Variants in TIAM1 observed in about 807,000 individuals in gnomAD.
TIAM1 encodes rho guanine nucleotide exchange factor TIAM1.
TIAM1 carries 65 observed loss-of-function variants against 163.5 expected under a neutral mutation model. The ratio of observed to expected loss-of-function variants is 0.40; its 90% CI spans 0.33 to 0.49. The LOEUF is 0.49. TIAM1 is among the 20% of genes least tolerant of loss of function. The pLI, the probability that TIAM1 is intolerant of heterozygous loss-of-function variation, is 0.77. For missense variants in TIAM1, 1,789 were observed against 2,044.7 expected, an observed-to-expected ratio of 0.87 and a Z score of 2.41; for synonymous variants, 833 against 810.1, an observed-to-expected ratio of 1.03 and a Z score of -0.48.
At position 31,266,248 on chromosome 21, in the gene TIAM1, C is replaced by G; in HGVS notation, c.725G>C (p.Gly242Ala). 2 of 1,614,188 alleles carry G rather than the reference C, an allele frequency of 1.2e-6. No homozygotes were observed. The highest frequency in any genetic ancestry group is 1.7e-6 in the Non-Finnish European group (2 of 1,180,040). The change falls in exon 4 of 28, where the codon GGA becomes GCA. Residue 242 changes from glycine (G) to alanine (A), a missense_variant. By Grantham distance (60) the Gly-to-Ala change is moderately conservative (BLOSUM62 0). Around this residue, in one of 5 missense-constraint regions of TIAM1, gnomAD observed 555 missense variants for 564.9 expected, o/e 0.98. Transcript: ENST00000541036. ...LGDLYAQKNS[G>A]VTANGGPGSK... ...CCCCGGCCCCCCGTTTGCTGTCACTCCAGAGTTTTTCTGAGCATACAAGTC... is the reference window on the plus strand; with the variant it reads ...CCCCGGCCCCCCGTTTGCTGTCACTGCAGAGTTTTTCTGAGCATACAAGTC...
chr21:31,405,135 T>C (rs2077225534), intron 2 of TIAM1, among the ~76,000 whole-genome samples: 1 of 152,056 alleles, frequency 6.6e-6, no homozygotes, highest in African/African-American at 2.4e-5. Flanking sequence ...TGGTCCCAAG[T>C]ACTCGGAAGG....
intron 2 of TIAM1, among the ~76,000 whole-genome samples, chr21:31,397,199 T>C (rs2077087798): frequency 6.6e-6 from 1 of 152,170 alleles, no homozygotes; most frequent in African/African-American, 2.4e-5. Flanking sequence ...TTTTATATTC[T>C]AAGCACTATG....
intron 2 of TIAM1, among the ~76,000 whole-genome samples, chr21:31,380,161 G>A (rs968463661): frequency 6.6e-6 from 1 of 152,100 alleles, no homozygotes; most frequent in Non-Finnish European, 1.5e-5. Context: ...CTACTCGGGA[G>A]GCTGGGCATG....
chr21:31,463,790 C>T (rs529578191), intron 2 of TIAM1, among the ~76,000 whole-genome samples: 13 of 137,682 alleles, frequency 9.4e-5, no homozygotes, highest in African/African-American at 3.3e-4. Flanking sequence ...TGCACTCCAG[C>T]AACAGACTAA....
intron 20 of TIAM1, among the ~76,000 whole-genome samples, chr21:31,145,236 G>A (rs372417738): frequency 1.3e-5 from 2 of 152,140 alleles, no homozygotes; most frequent in African/African-American, 2.4e-5. Context: ...CACCACTACC[G>A]TTAAGACTGT....
At chr21:31,408,610 ACCCTTC>A (rs1405389783) in intron 2 of TIAM1, among the ~76,000 whole-genome samples, 1 of 152,146 alleles carries the variant, frequency 6.6e-6, no homozygotes, top group African/African-American at 2.4e-5. Flanking sequence ...AACTGGCTTA[ACCCTTC>A]CCACAACTTA....
chr21:31,465,289 T>C (rs926920924), intron 1 of TIAM1, among the ~76,000 whole-genome samples: 34 of 152,184 alleles, frequency 2.2e-4, no homozygotes, highest in African/African-American at 7.7e-4. Context: ...TAGTGCAGAG[T>C]GCAGTGGCAA....
chr21:31,195,279 T>C lies in TIAM1; in HGVS notation c.2520A>G (p.Pro840=), dbSNP rs749549321. The C allele has an allele frequency of 6.2e-7, 1 of 1,613,418 alleles. No individual in the cohort carries two copies. The part of the protein sequence containing the change: ...ELLYKEIEIC[P]KVTQSIHIEK... ...CAATGTGGATGCTCTGAGTGACTTT[T>C]GGACAGATTTCAATTTCTTTGTACA... Residue 840 remains proline, a synonymous_variant, in exon 13 of 28, where the codon CCA becomes CCG. Coordinates refer to ENST00000541036, the MANE Select transcript of TIAM1 (RefSeq NM_001353694.2).
chr21:31,210,814 G>GAAAGAAAGAAAGAAAGAAAGA (rs147674572), intron 10 of TIAM1, among the ~76,000 whole-genome samples: 2 of 147,616 alleles, frequency 1.4e-5, no homozygotes, highest in African/African-American at 5.2e-5. Context: ...AAGAAAGAAA[G>GAAAGAAAGAAAGAAAGAAAGA]GTCACCATTC....
intron 2 of TIAM1, among the ~76,000 whole-genome samples, chr21:31,297,506 C>T (rs575777632): frequency 6.6e-5 from 10 of 152,270 alleles, no homozygotes; most frequent in African/African-American, 1.9e-4. Flanking sequence ...GAGATTCTCC[C>T]GCCTCAGCCT....
At chr21:31,312,064 T>C (rs182964801) in intron 2 of TIAM1, among the ~76,000 whole-genome samples, 12 of 152,362 alleles carry the variant, frequency 7.9e-5, no homozygotes, top group Non-Finnish European at 1.5e-4. Flanking sequence ...CAGGGGCTCT[T>C]GGGCCTTCGG....
At chr21:31,203,596 T>G (rs563027528) in intron 11 of TIAM1, among the ~76,000 whole-genome samples, 1 of 152,240 alleles carries the variant, frequency 6.6e-6, no homozygotes, top group African/African-American at 2.4e-5. Context: ...CCTTATTTGA[T>G]TCATTGTGCT....
At chr21:31,516,644 T>C (rs1013023090) in intron 1 of TIAM1, among the ~76,000 whole-genome samples, 3 of 149,496 alleles carry the variant, frequency 2.0e-5, no homozygotes, top group African/African-American at 7.4e-5. Context: ...CAACACACTA[T>C]TGGTGCTCAC....
At chr21:31,250,457 C>T (rs1250947903) in intron 5 of TIAM1, among the ~76,000 whole-genome samples, 3 of 152,228 alleles carry the variant, frequency 2.0e-5, no homozygotes, top group Admixed American at 1.3e-4. Context: ...GCAAGTCCTA[C>T]TTGTGCAAGG....
intron 2 of TIAM1, among the ~76,000 whole-genome samples, chr21:31,400,042 AC>A (rs1345448226): frequency 6.6e-6 from 1 of 152,202 alleles, no homozygotes; most frequent in South Asian, 2.1e-4. Context: ...ACCAAAAAAA[AC>A]AAACAAAAAA....
At chr21:31,280,032 G>GCACA (rs10635457) in intron 2 of TIAM1, among the ~76,000 whole-genome samples, 6,451 of 151,174 alleles carry the variant, frequency 0.043, 290 homozygotes, top group African/African-American at 0.12. Flanking sequence ...ACGCGTGCGC[G>GCACA]CACACACACA....
At position 31,202,453 on chromosome 21, in the gene TIAM1, T is replaced by C. The variant is rs540461815; in HGVS notation, c.2493+455A>G. On this transcript the variant is annotated intron_variant, in intron 12 of 27. Coordinates refer to ENST00000541036, the MANE Select transcript of TIAM1 (RefSeq NM_001353694.2). The stretch of plus-strand genomic sequence containing the variant: ...TGGAGCTGCGTGCCTGTGGTTCCAG[T>C]TACTCAGGAGGCTGGCACAGGAGGA... Among the ~76,000 whole-genome samples the C allele has an allele frequency of 4.6e-5, 7 of 152,066 alleles. No homozygotes were observed. In the East Asian group the frequency reaches 1.4e-3, roughly 29 times the overall value.
intron 2 of TIAM1, among the ~76,000 whole-genome samples, chr21:31,383,850 T>C (rs902194394): frequency 6.6e-6 from 1 of 152,182 alleles, no homozygotes; most frequent in African/African-American, 2.4e-5. Context: ...GATTTTCCAC[T>C]TTCCAGAGTG....
chr21:31,152,021 C>CTTTTTT (rs754817467), intron 19 of TIAM1, among the ~76,000 whole-genome samples: 1 of 112,306 alleles, frequency 8.9e-6, no homozygotes, highest in Non-Finnish European at 1.7e-5. Flanking sequence ...CCAGAAGTGC[C>CTTTTTT]TTTTTTTTTT....
Sources: gnomAD v4.1 joint callset for allele counts (sites outside exome capture counted in the v4.1 genomes callset) on GRCh38, gnomAD v4.1.1 for gene constraint, gnomAD v4.1.1 regional missense constraint, MANE v1.5 for transcripts, NCBI Gene and HGNC (gene_info 2026-07-23, HGNC 2026-07-21) for gene names.